ADAMTSL1: variants seen among roughly 807,000 people sequenced by gnomAD.
ADAMTSL1 encodes the protein ADAMTS-like protein 1.
A neutral mutation model predicts 201.8 loss-of-function variants in ADAMTSL1; 126 were observed. The observed-to-expected ratio is 0.62, with a 90% CI of 0.54 to 0.72. The LOEUF is 0.72. Ranked by LOEUF, ADAMTSL1 falls within the 30% of genes least tolerant of loss-of-function variation. The pLI is 0.00. For synonymous variants in ADAMTSL1, 1,121 were observed against 903.4 expected, an observed-to-expected ratio of 1.24 and a Z score of -4.32; for missense variants, 2,679 against 2,277.8, an observed-to-expected ratio of 1.18 and a Z score of -3.59.
At chr9:18,150,522 A>G (rs1297905694) in intron 1 of ADAMTSL1, among the ~76,000 whole-genome samples, 3 of 152,072 alleles carry the variant, frequency 2.0e-5, no homozygotes, top group Non-Finnish European at 4.4e-5. Flanking sequence ...GGAGTCATGA[A>G]GTATAGTGAA....
chr9:18,454,509 A>T (rs1296683402), intron 2 of ADAMTSL1, among the ~76,000 whole-genome samples: 1 of 152,076 alleles, frequency 6.6e-6, no homozygotes, highest in Non-Finnish European at 1.5e-5. Flanking sequence ...TCAAGTCAAC[A>T]CCTAAAATTA....
chr9:18,259,279 C>G (rs1320788478), intron 2 of ADAMTSL1, among the ~76,000 whole-genome samples: 2 of 152,234 alleles, frequency 1.3e-5, no homozygotes, highest in Admixed American at 1.3e-4. Flanking sequence ...CTCATCTACG[C>G]TTTGGGAAGC....
At chr9:18,574,859 G>A (rs1210329262) in intron 4 of ADAMTSL1, among the ~76,000 whole-genome samples, 1 of 152,140 alleles carries the variant, frequency 6.6e-6, no homozygotes, top group Non-Finnish European at 1.5e-5. Flanking sequence ...ATTCATCAAT[G>A]TCTACTCTAG....
chr9:18,886,696 AC>A (rs745840667), intron 23 of ADAMTSL1, among the ~76,000 whole-genome samples: 4 of 152,166 alleles, frequency 2.6e-5, no homozygotes, highest in Admixed American at 6.5e-5. Flanking sequence ...TTTTATGGGG[AC>A]ACTAATCTCA....
chr9:18,317,168 G>A (rs1004781121), intron 2 of ADAMTSL1, among the ~76,000 whole-genome samples: 1 of 152,066 alleles, frequency 6.6e-6, no homozygotes, highest in Non-Finnish European at 1.5e-5. Flanking sequence ...TATGTGGTGT[G>A]GAATCTAGGA....
chr9:17,973,232 C>A (rs1464418221), intron 1 of ADAMTSL1, among the ~76,000 whole-genome samples: 2 of 150,946 alleles, frequency 1.3e-5, no homozygotes, highest in Admixed American at 6.6e-5. Context: ...GACATGAAGT[C>A]CTTGCCCAGG....
intron 2 of ADAMTSL1, among the ~76,000 whole-genome samples, chr9:18,387,470 C>T (rs2805928): frequency 0.96 from 146,645 of 152,246 alleles, 70,865 homozygotes; most frequent in East Asian, 1. Flanking sequence ...ATTATTCTCA[C>T]GTGCATTTCT....
At chr9:18,291,326 AAT>A (rs1293884223) in intron 2 of ADAMTSL1, among the ~76,000 whole-genome samples, 1 of 152,218 alleles carries the variant, frequency 6.6e-6, no homozygotes, top group Non-Finnish European at 1.5e-5. Flanking sequence ...ACGCTTCAAT[AAT>A]ATCAGATGGT....
At chr9:18,460,272 A>T (rs532194406) in intron 2 of ADAMTSL1, among the ~76,000 whole-genome samples, 14 of 152,314 alleles carry the variant, frequency 9.2e-5, no homozygotes, top group African/African-American at 2.6e-4. Flanking sequence ...TAAACACCGT[A>T]TCTTATTTAT....
intron 15 of ADAMTSL1, among the ~76,000 whole-genome samples, chr9:18,726,682 G>A (rs1026214796): frequency 2.0e-5 from 3 of 152,154 alleles, no homozygotes; most frequent in Non-Finnish European, 4.4e-5. Flanking sequence ...TTTGGTAAAC[G>A]TATGTGGAGG....
At chr9:18,522,089 A>C (rs1417440826) in intron 2 of ADAMTSL1, among the ~76,000 whole-genome samples, 1 of 152,172 alleles carries the variant, frequency 6.6e-6, no homozygotes, top group Non-Finnish European at 1.5e-5. Context: ...ACTGGTATCA[A>C]GTATTTCCTG....
chr9:18,893,300 C>T (rs548754482), intron 26 of ADAMTSL1, among the ~76,000 whole-genome samples: 28 of 152,166 alleles, frequency 1.8e-4, no homozygotes, highest in African/African-American at 6.0e-4. Flanking sequence ...CAAACAGATC[C>T]GGCTACAAAT....
chr9:18,310,761 G>A (rs756695150), intron 2 of ADAMTSL1, among the ~76,000 whole-genome samples: 14 of 152,096 alleles, frequency 9.2e-5, no homozygotes, highest in Non-Finnish European at 2.1e-4. Flanking sequence ...TGGTGGGAGC[G>A]TAAATTAGTT....
intron 2 of ADAMTSL1, among the ~76,000 whole-genome samples, chr9:18,426,557 A>G (rs563572053): frequency 1.3e-5 from 2 of 152,330 alleles, no homozygotes; most frequent in African/African-American, 4.8e-5. Flanking sequence ...TACTATAGTT[A>G]GGAATTTTCT....
intron 1 of ADAMTSL1, among the ~76,000 whole-genome samples, chr9:18,043,133 A>G (rs1318578096): frequency 6.6e-6 from 1 of 152,132 alleles, no homozygotes; most frequent in Non-Finnish European, 1.5e-5. Flanking sequence ...TGTCACAATT[A>G]CCTGGGATAT....
chr9:18,657,474 T>C (rs1828764018), intron 7 of ADAMTSL1, 165 bp from the exon 8 acceptor site: 1 of 582,482 alleles, frequency 1.7e-6, no homozygotes, highest in African/African-American at 1.9e-5. Flanking sequence ...CATTCACTGG[T>C]AAAATGGTAG....
At chr9:18,223,318 C>A (rs1407614247) in intron 2 of ADAMTSL1, among the ~76,000 whole-genome samples, 1 of 151,950 alleles carries the variant, frequency 6.6e-6, no homozygotes. Flanking sequence ...TGCAATTATT[C>A]TAAAATCTGA....
intron 2 of ADAMTSL1, among the ~76,000 whole-genome samples, chr9:18,349,728 G>T (rs1835880538): frequency 6.6e-6 from 1 of 152,046 alleles, no homozygotes; most frequent in Non-Finnish European, 1.5e-5. Flanking sequence ...GCAAAATGCA[G>T]TCATTCCTGG....
chr9:18,089,463 C>T lies in ADAMTSL1; in HGVS notation c.88-74399C>T, dbSNP rs552060886. ...GGGAACATCACACACTGGGGCCTGT[C>T]GGGGGGTGGGGAGCTAGGGGAGGGA... On this transcript the variant is annotated intron_variant, in intron 1 of 29. Transcript: ENST00000680146. Among the ~76,000 whole-genome samples the T allele has an allele frequency of 7.0e-4, 34 of 48,774 alleles. No individual in the cohort carries two copies. In the Middle Eastern group the frequency reaches 0.053, roughly 76 times the overall value. The allele number at this position is 48,774 out of a possible 152,430, so 32.0% of individuals were successfully genotyped here.
Sources: gnomAD v4.1 joint callset for allele counts (sites outside exome capture counted in the v4.1 genomes callset) on GRCh38, gnomAD v4.1.1 for gene constraint, MANE v1.5 for transcripts, NCBI Gene and HGNC (gene_info 2026-07-23, HGNC 2026-07-21) for gene names.